RIC8B: variants seen among roughly 807,000 people sequenced by gnomAD.
RIC8B encodes the protein chaperone Ric-8B.
Under a neutral mutation model 57.5 loss-of-function variants are expected in RIC8B, and 16 were observed. The observed-to-expected ratio is 0.28, with a 90% CI of 0.19 to 0.42. The LOEUF (loss-of-function observed/expected upper bound fraction) is 0.42, where lower values mean the gene tolerates loss of function less well. RIC8B is among the 10% of genes least tolerant of loss of function. RIC8B has a pLI of 1.00. For synonymous variants in RIC8B, 216 were observed against 250.8 expected (o/e 0.86, Z 1.31); for missense variants, 481 against 677.0 (o/e 0.71, Z 3.21).
intron 6 of RIC8B, among the ~76,000 whole-genome samples, chr12:106,850,444 A>G (rs1949416975): frequency 6.6e-6 from 1 of 152,246 alleles, no homozygotes; most frequent in African/African-American, 2.4e-5. Flanking sequence ...AAAGCAACCA[A>G]TGAGATAGGA....
chr12:106,870,765 A>G (rs1000458595), intron 8 of RIC8B, 58 bp from the exon 9 acceptor site: 5 of 1,344,166 alleles, frequency 3.7e-6, no homozygotes, highest in Non-Finnish European at 3.9e-6. Context: ...TGGACCAGAA[A>G]AGTATAGAAA....
At chr12:106,884,113 C>A (rs1951074663) in intron 9 of RIC8B, among the ~76,000 whole-genome samples, 1 of 152,260 alleles carries the variant, frequency 6.6e-6, no homozygotes, top group Non-Finnish European at 1.5e-5. Flanking sequence ...GGGCCACTCA[C>A]TGACACCTCA....
At chr12:106,880,379 GC>G (rs1319155008) in intron 9 of RIC8B, among the ~76,000 whole-genome samples, 1 of 152,090 alleles carries the variant, frequency 6.6e-6, no homozygotes, top group Admixed American at 6.6e-5. Context: ...TTATTTCATA[GC>G]CCAACACTTA....
chr12:106,883,636 C>G (rs946879833), intron 9 of RIC8B, among the ~76,000 whole-genome samples: 1 of 152,058 alleles, frequency 6.6e-6, no homozygotes, highest in Non-Finnish European at 1.5e-5. Context: ...TGAGATCTAC[C>G]TCAGAAATGT....
chr12:106,844,338 A>G (rs190857222), intron 6 of RIC8B, among the ~76,000 whole-genome samples: 23 of 152,330 alleles, frequency 1.5e-4, no homozygotes, highest in Admixed American at 5.2e-4. Context: ...CTGAGATGAC[A>G]TTTGAACAGA....
chr12:106,823,606 T>C (rs955394651), intron 3 of RIC8B, among the ~76,000 whole-genome samples: 1 of 152,198 alleles, frequency 6.6e-6, no homozygotes, highest in Admixed American at 6.5e-5. Flanking sequence ...TAGTTAATTT[T>C]TAAAACTAAG....
chr12:106,781,969 T>G (rs1324039870), intron 1 of RIC8B, among the ~76,000 whole-genome samples: 1 of 152,162 alleles, frequency 6.6e-6, no homozygotes, highest in East Asian at 1.9e-4. Flanking sequence ...GTCTATACAT[T>G]TCTAAGTATA....
intron 2 of RIC8B, among the ~76,000 whole-genome samples, chr12:106,785,813 C>CTCTCTG (rs1376526047): frequency 8.4e-4 from 104 of 123,936 alleles, no homozygotes; most frequent in African/African-American, 3.1e-3. Flanking sequence ...CTCTCTCTCT[C>CTCTCTG]TGTGTGTGTG....
chr12:106,775,067 C>G, intron 1 of RIC8B: 1 of 552,308 alleles, frequency 1.8e-6, no homozygotes, highest in Non-Finnish European at 3.3e-6. Context: ...AGCTTGACCT[C>G]CGGTCCTCCT....
intron 8 of RIC8B, among the ~76,000 whole-genome samples, chr12:106,870,461 T>C: frequency 6.6e-6 from 1 of 152,192 alleles, no homozygotes; most frequent in East Asian, 1.9e-4. Context: ...GATTTCCTCA[T>C]TTCTTCTTCC....
chr12:106,832,674 ATATT>A (rs997995020), intron 4 of RIC8B, among the ~76,000 whole-genome samples: 3 of 152,184 alleles, frequency 2.0e-5, no homozygotes, highest in African/African-American at 7.2e-5. Context: ...TGCTCAATAA[ATATT>A]AGTTGGATGA....
At chr12:106,818,605 A>G (rs1244850403) in intron 3 of RIC8B, among the ~76,000 whole-genome samples, 9 of 151,752 alleles carry the variant, frequency 5.9e-5, no homozygotes, top group African/African-American at 2.2e-4. Context: ...AGGCCACCAC[A>G]CTCGGCTAAT....
intron 8 of RIC8B, among the ~76,000 whole-genome samples, chr12:106,863,950 T>C (rs960298137): frequency 6.6e-6 from 1 of 152,138 alleles, no homozygotes; most frequent in African/African-American, 2.4e-5. Flanking sequence ...AATTTGGTAT[T>C]CCTGTATGTA....
chr12:106,826,749 C>T (rs1485597316), intron 4 of RIC8B, among the ~76,000 whole-genome samples: 1 of 151,296 alleles, frequency 6.6e-6, no homozygotes, highest in Admixed American at 6.6e-5. Context: ...AGTGAGACTC[C>T]ATCTCAAAAA....
chr12:106,851,663 G>T, intron 7 of RIC8B, 69 bp downstream of exon 7: 2 of 1,290,312 alleles, frequency 1.6e-6, no homozygotes, highest in South Asian at 2.6e-5. Context: ...AATTGATAGT[G>T]TTAGTACTGG....
At chr12:106,839,696 C>T (rs2046780542) in intron 4 of RIC8B, among the ~76,000 whole-genome samples, 1 of 152,120 alleles carries the variant, frequency 6.6e-6, no homozygotes, top group South Asian at 2.1e-4. Flanking sequence ...AGTGCTCTTA[C>T]CACAAAAGAA....
intron 2 of RIC8B, among the ~76,000 whole-genome samples, chr12:106,787,991 C>T (rs2044110226): frequency 6.6e-6 from 1 of 152,150 alleles, no homozygotes; most frequent in African/African-American, 2.4e-5. Context: ...TGAGACAAGG[C>T]AAGTCCCTTC....
chr12:106,816,932 G>C (rs533802071), intron 3 of RIC8B, among the ~76,000 whole-genome samples: 1 of 152,118 alleles, frequency 6.6e-6, no homozygotes, highest in African/African-American at 2.4e-5. Flanking sequence ...CCTGGAGCAG[G>C]TATCTCTGAC....
Position 106,867,518 on chromosome 12 carries a change from T to A in RIC8B, c.1452-3305T>A, listed in dbSNP as rs1292137764. On this transcript the variant is annotated intron_variant, in intron 8 of 9. Transcript: ENST00000392837. This position sits in a 1 kb window ranked among gnomAD's most constrained non-coding sequence, Gnocchi z 4.3. ...AACTAACTCCAGAATTTCATAGCGT[T>A]AAGATTGAAACCTGGACTGTGGCGT... 6.6e-6 allele frequency among the ~76,000 whole-genome samples: 1 copy of A among 152,210 alleles called. No homozygotes were observed. Among genetic ancestry groups the A allele is most frequent in the Admixed American group, 6.5e-5 (1 of 15,278 alleles).
Sources: gnomAD v4.1 joint callset for allele counts (sites outside exome capture counted in the v4.1 genomes callset) on GRCh38, gnomAD v4.1.1 for gene constraint, Gnocchi (gnomAD v3.1) non-coding constraint, MANE v1.5 for transcripts, NCBI Gene and HGNC (gene_info 2026-07-23, HGNC 2026-07-21) for gene names.